The following DNAJC6 variants were observed in gnomAD, a reference collection of about 807,000 sequenced individuals.
DNAJC6 encodes the protein auxilin.
DNAJC6 carries 34 observed loss-of-function variants against 110.0 expected under a neutral mutation model. The observed-to-expected ratio is 0.31, with a 90% CI of 0.24 to 0.41. DNAJC6 has a LOEUF of 0.41. DNAJC6 is among the 10% of genes least tolerant of loss of function. DNAJC6 has a pLI of 1.00. For synonymous variants in DNAJC6, 406 were observed against 437.2 expected (o/e 0.93, Z 0.89); for missense variants, 1,031 against 1,207.8 (o/e 0.85, Z 2.17).
Position 65,302,124 on chromosome 1 carries a change from A to ATAT in DNAJC6, c.-131+37192_-131+37193insTAT, listed in dbSNP as rs1553135987. Among the ~76,000 whole-genome samples the ATAT allele has an allele frequency of 5.7e-4, 11 of 19,232 alleles. No homozygotes were observed. In the East Asian group the frequency reaches 0.02, roughly 35 times the overall value. The allele number at this position is 19,232 out of a possible 152,430, so 12.6% of individuals were successfully genotyped here. A position where few individuals can be genotyped will look rare whatever the true frequency, so the allele number is the denominator to read the frequency against. On this transcript the variant is annotated intron_variant, in intron 1 of 19. Coordinates refer to the DNAJC6 transcript ENST00000263441. ...TAATATATAATATATATATATATAT[A>ATAT]AAAAATATATATAATACGTATTATA...
At position 65,402,191 on chromosome 1, in the gene DNAJC6, G is replaced by C. The variant is rs74081637; in HGVS notation, c.2227+311G>C. 0.015 allele frequency among the ~76,000 whole-genome samples: 2,258 copies of C among 152,290 alleles called. 51 individuals are homozygous for C. The highest frequency in any genetic ancestry group is 0.052 in the African/African-American group (2,176 of 41,550). On this transcript the variant is annotated intron_variant, in intron 15 of 18. Coordinates refer to ENST00000371069, the MANE Select transcript of DNAJC6 (RefSeq NM_001256864.2). ...TGGCTGCGCAAAAGTAATGCGTAGGGAAACAGTATGAGACAGGGCTGGTCA... is the reference window on the plus strand; with the variant it reads ...TGGCTGCGCAAAAGTAATGCGTAGGCAAACAGTATGAGACAGGGCTGGTCA...
chr1:65,278,865 TG>T, intron 1 of DNAJC6: 1 of 675,390 alleles, frequency 1.5e-6, no homozygotes, highest in Non-Finnish European at 1.8e-6. Context: ...AGGAAAGGGG[TG>T]GGGAAGAATC....
At chr1:65,398,691 A>G (rs1646002229) in intron 13 of DNAJC6, 122 bp from the exon 14 acceptor site, 17 of 868,646 alleles carry the variant, frequency 2.0e-5, no homozygotes, top group Non-Finnish European at 2.9e-5. Flanking sequence ...AGGAGTGGAT[A>G]TCTTGGGATC....
intron 1 of DNAJC6, among the ~76,000 whole-genome samples, chr1:65,291,199 A>T (rs1644872142): frequency 6.6e-6 from 1 of 152,052 alleles, no homozygotes. Context: ...CACCTGGCTA[A>T]TTTTTGTATT....
At position 65,410,908 on chromosome 1, in the gene DNAJC6, C is replaced by G. The variant is rs183133704; in HGVS notation, c.2635-342C>G. On this transcript the variant is annotated intron_variant, in intron 17 of 18. Coordinates refer to ENST00000371069, the MANE Select transcript of DNAJC6 (RefSeq NM_001256864.2). ...TAGAGTGGCCCAGAGAAGTTTGGCC[C>G]TTTTTTAAGGTTTACTTATTTAGTG... Among the ~76,000 whole-genome samples the G allele has an allele frequency of 1.4e-3, 209 of 152,224 alleles. 2 individuals are homozygous for G. The highest frequency in any genetic ancestry group is 4.8e-3 in the African/African-American group (198 of 41,532).
At chr1:65,393,596 A>T (rs996222591) in intron 12 of DNAJC6, among the ~76,000 whole-genome samples, 8 of 152,078 alleles carry the variant, frequency 5.3e-5, no homozygotes, top group Admixed American at 5.2e-4. Context: ...TCACTGTCTC[A>T]TTGCCAGAGA....
chr1:65,303,526 T>C (rs919063824), intron 1 of DNAJC6, among the ~76,000 whole-genome samples: 1 of 151,922 alleles, frequency 6.6e-6, no homozygotes, highest in African/African-American at 2.4e-5. Flanking sequence ...CTTTAGTGTT[T>C]ATTATGTGCT....
At chr1:65,295,391 T>C (rs1156733689) in intron 1 of DNAJC6, among the ~76,000 whole-genome samples, 1 of 152,134 alleles carries the variant, frequency 6.6e-6, no homozygotes, top group African/African-American at 2.4e-5. Context: ...TAGGGAAGGA[T>C]AGACTCAGAC....
chr1:65,394,822 C>T (rs1031457906), intron 12 of DNAJC6, 76 bp from the exon 13 acceptor site: 49 of 1,492,368 alleles, frequency 3.3e-5, no homozygotes, highest in African/African-American at 5.7e-5. Flanking sequence ...GTTAGCCCTA[C>T]AGGAAGTGAC....
chr1:65,347,530 T>C (rs949223592), intron 1 of DNAJC6, among the ~76,000 whole-genome samples: 5 of 152,098 alleles, frequency 3.3e-5, no homozygotes, highest in Non-Finnish European at 7.4e-5. Context: ...ATGTCTTCTA[T>C]ATTATAGATA....
At chr1:65,286,186 T>C (rs573494571) in intron 1 of DNAJC6, among the ~76,000 whole-genome samples, 1 of 152,224 alleles carries the variant, frequency 6.6e-6, no homozygotes, top group Non-Finnish European at 1.5e-5. Flanking sequence ...CTTTTGTTAA[T>C]TAGGGTTCAG....
chr1:65,381,082 A>G (rs915495876), intron 5 of DNAJC6, among the ~76,000 whole-genome samples: 1 of 150,700 alleles, frequency 6.6e-6, no homozygotes, highest in African/African-American at 2.4e-5. Context: ...CCACACCCAG[A>G]TAATTTTTGT....
intron 1 of DNAJC6, among the ~76,000 whole-genome samples, chr1:65,330,989 A>C (rs1373761319): frequency 6.6e-6 from 1 of 152,224 alleles, no homozygotes; most frequent in Non-Finnish European, 1.5e-5. Flanking sequence ...TGTAAGTTGC[A>C]GTCTTAATTC....
intron 13 of DNAJC6, 23 bp from the exon 14 acceptor site, chr1:65,398,790 C>T (rs1646003274): frequency 6.2e-7 from 1 of 1,613,664 alleles, no homozygotes; most frequent in Non-Finnish European, 8.5e-7. Context: ...TGTTCTCATT[C>T]TTTTTCTTTT....
At chr1:65,336,492 A>G (rs1396393090) in intron 1 of DNAJC6, among the ~76,000 whole-genome samples, 3 of 152,206 alleles carry the variant, frequency 2.0e-5, no homozygotes. Flanking sequence ...ACAAAAAAGT[A>G]AAAAGGGGAA....
At chr1:65,340,251 G>A (rs1288115189) in intron 1 of DNAJC6, among the ~76,000 whole-genome samples, 5 of 152,182 alleles carry the variant, frequency 3.3e-5, no homozygotes, top group Admixed American at 2.0e-4. Context: ...GCTGAGAGAC[G>A]AGGGATGATG....
At chr1:65,332,855 T>A (rs1404061121) in intron 1 of DNAJC6, among the ~76,000 whole-genome samples, 1 of 152,238 alleles carries the variant, frequency 6.6e-6, no homozygotes, top group Non-Finnish European at 1.5e-5. Flanking sequence ...TTAACGTACA[T>A]TCAAATACTT....
At chr1:65,307,271 T>A (rs1301006806), upstream of DNAJC6, among the ~76,000 whole-genome samples, 1 of 151,958 alleles carries the variant, frequency 6.6e-6, no homozygotes, top group African/African-American at 2.4e-5. Context: ...AATATGCTTC[T>A]TATATCTTCA....
chr1:65,410,636 CTGACTTAA>C (rs1356611343), intron 17 of DNAJC6, among the ~76,000 whole-genome samples: 1 of 152,224 alleles, frequency 6.6e-6, no homozygotes, highest in African/African-American at 2.4e-5. Flanking sequence ...TATGATCCCT[CTGACTTAA>C]TCACCTCATT....
Sources: allele counts gnomAD v4.1 joint callset (sites outside exome capture counted in the v4.1 genomes callset), GRCh38; gene constraint gnomAD v4.1.1; transcripts MANE v1.5; gene names NCBI Gene and HGNC (gene_info 2026-07-23, HGNC 2026-07-21).